Variants in EXOC4 observed in about 807,000 individuals in gnomAD.
EXOC4 encodes the protein exocyst complex component 4, also known as SEC8-like 1.
In EXOC4, 71 loss-of-function variants were observed where a neutral mutation model predicts 107.2. The observed-to-expected ratio is 0.66, with a 90% confidence interval of 0.55 to 0.81. The LOEUF (loss-of-function observed/expected upper bound fraction) is 0.81. EXOC4 is among the 30% of genes least tolerant of loss of function. The pLI, the probability that EXOC4 is intolerant of heterozygous loss-of-function variation, is 0.00. For missense variants in EXOC4, 1,108 were observed against 1,189.6 expected (o/e 0.93, Z 1.01); for synonymous variants, 456 against 441.2 (o/e 1.03, Z -0.42).
chr7:133,513,443 G>A (rs1320649625), intron 9 of EXOC4, among the ~76,000 whole-genome samples: 1 of 152,066 alleles, frequency 6.6e-6, no homozygotes, highest in Non-Finnish European at 1.5e-5. Flanking sequence ...ACATTTTTCT[G>A]TCTTTTTGAA....
chr7:133,713,958 A>C (rs954272158), intron 10 of EXOC4, among the ~76,000 whole-genome samples: 4 of 152,174 alleles, frequency 2.6e-5, no homozygotes, highest in African/African-American at 4.8e-5. Flanking sequence ...ATCATAGAAC[A>C]TAAGAGCTAT....
rs570275035 is a variant in EXOC4, at chr7:133,410,175, C to T, written c.1182+35173C>T. On this transcript the variant is annotated intron_variant, in intron 7 of 17. Transcript: ENST00000253861. ...AATGGTTTTATGTCTATGAGCACCA[C>T]ATGGTTAGTCTGCAGGAATCATAAT... 3.3e-5 allele frequency among the ~76,000 whole-genome samples: 5 copies of T among 152,262 alleles called. No individual in the cohort carries two copies. The South Asian group carries it at 1.0e-3, about 32-fold the overall frequency.
intron 10 of EXOC4, among the ~76,000 whole-genome samples, chr7:133,731,565 A>T (rs1795327074): frequency 6.6e-6 from 1 of 152,196 alleles, no homozygotes; most frequent in Non-Finnish European, 1.5e-5. Flanking sequence ...AAATAGTAAC[A>T]TGTCTAGCCA....
At chr7:133,519,440 AG>A (rs1357571326) in intron 9 of EXOC4, among the ~76,000 whole-genome samples, 1 of 152,136 alleles carries the variant, frequency 6.6e-6, no homozygotes, top group Non-Finnish European at 1.5e-5. Context: ...AGGAAGTATT[AG>A]TTACTCATTT....
chr7:133,259,905 T>G (rs531283764), intron 1 of EXOC4, among the ~76,000 whole-genome samples: 83 of 152,196 alleles, frequency 5.5e-4, no homozygotes, highest in Non-Finnish European at 8.1e-4. Context: ...CTTAAGTATA[T>G]GGCTTGATGA....
chr7:133,970,375 C>T (rs1801177531), intron 14 of EXOC4, among the ~76,000 whole-genome samples: 1 of 151,904 alleles, frequency 6.6e-6, no homozygotes, highest in African/African-American at 2.4e-5. Context: ...GCTGGCATTC[C>T]AGGCACCACT....
intron 10 of EXOC4, among the ~76,000 whole-genome samples, chr7:133,723,942 C>T (rs1795160986): frequency 6.6e-6 from 1 of 151,968 alleles, no homozygotes; most frequent in Non-Finnish European, 1.5e-5. Context: ...TTATCTTGAT[C>T]TACTAAATAA....
intron 5 of EXOC4, among the ~76,000 whole-genome samples, chr7:133,334,033 C>T (rs892726600): frequency 1.3e-5 from 2 of 152,150 alleles, no homozygotes; most frequent in African/African-American, 4.8e-5. Flanking sequence ...CGACCCCAAC[C>T]CACTCACTTA....
chr7:133,744,456 G>A (rs79245548), intron 10 of EXOC4, among the ~76,000 whole-genome samples: 2,572 of 152,196 alleles, frequency 0.017, 46 homozygotes, highest in Non-Finnish European at 0.025. Flanking sequence ...GCCTCTCTAG[G>A]GGAAGAAGAA....
intron 13 of EXOC4, among the ~76,000 whole-genome samples, chr7:133,926,143 AGT>A (rs966992733): frequency 6.6e-6 from 1 of 152,100 alleles, no homozygotes; most frequent in African/African-American, 2.4e-5. Flanking sequence ...GTATAGCAGC[AGT>A]ACGAATTTTC....
chr7:133,628,657 G>A (rs1802514224), intron 9 of EXOC4, among the ~76,000 whole-genome samples: 1 of 152,160 alleles, frequency 6.6e-6, no homozygotes, highest in Admixed American at 6.5e-5. Context: ...AAATTAGGAT[G>A]TATCTGAAAT....
chr7:133,402,444 G>A (rs1269879758), intron 7 of EXOC4, among the ~76,000 whole-genome samples: 1 of 152,202 alleles, frequency 6.6e-6, no homozygotes, highest in African/African-American at 2.4e-5. Flanking sequence ...TTCTTAAAAT[G>A]TAGACTTTAA....
intron 17 of EXOC4, among the ~76,000 whole-genome samples, chr7:134,063,241 TCTTTCCTGGAAGCC>T (rs1796109028): frequency 6.6e-6 from 1 of 152,184 alleles, no homozygotes. Context: ...AACTAGAATT[TCTTTCCTGGAAGCC>T]CTGCCTGACA....
chr7:133,516,932 T>C (rs1799888011), intron 9 of EXOC4, among the ~76,000 whole-genome samples: 2 of 151,964 alleles, frequency 1.3e-5, no homozygotes, highest in South Asian at 4.2e-4. Flanking sequence ...ATAGTAAATG[T>C]AAATATACCA....
At chr7:133,315,598 C>A (rs1794973492) in intron 4 of EXOC4, among the ~76,000 whole-genome samples, 1 of 152,052 alleles carries the variant, frequency 6.6e-6, no homozygotes, top group South Asian at 2.1e-4. Flanking sequence ...ATGGACAAAT[C>A]TATTATCTAA....
At chr7:133,273,672 T>C (rs952675452) in intron 1 of EXOC4, among the ~76,000 whole-genome samples, 4 of 152,208 alleles carry the variant, frequency 2.6e-5, no homozygotes, top group Non-Finnish European at 4.4e-5. Flanking sequence ...AGAAGTTTTA[T>C]ATACTGTGTG....
intron 17 of EXOC4, among the ~76,000 whole-genome samples, chr7:134,050,862 A>G (rs1406756769): frequency 1.3e-5 from 2 of 152,142 alleles, no homozygotes; most frequent in Non-Finnish European, 2.9e-5. Flanking sequence ...TAGTGATATG[A>G]TCCAACTAAG....
At chr7:133,553,279 C>G (rs1584994100) in intron 9 of EXOC4, among the ~76,000 whole-genome samples, 1 of 152,204 alleles carries the variant, frequency 6.6e-6, no homozygotes, top group South Asian at 2.1e-4. Flanking sequence ...CCAACTAATT[C>G]AGGCCTTTTG....
At chr7:133,971,897 T>C (rs950496098) in intron 14 of EXOC4, among the ~76,000 whole-genome samples, 1 of 152,226 alleles carries the variant, frequency 6.6e-6, no homozygotes, top group African/African-American at 2.4e-5. Context: ...CTTAGATGAC[T>C]TTACATCACT....
Sources: allele counts gnomAD v4.1 joint callset (sites outside exome capture counted in the v4.1 genomes callset), GRCh38; gene constraint gnomAD v4.1.1; transcripts MANE v1.5; gene names NCBI Gene and HGNC (gene_info 2026-07-23, HGNC 2026-07-21).